GALNTL6: variants seen among roughly 807,000 people sequenced by gnomAD.
GALNTL6 encodes the protein polypeptide N-acetylgalactosaminyltransferase like 6.
A neutral mutation model predicts 73.7 loss-of-function variants in GALNTL6; 46 were observed. The ratio of observed to expected loss-of-function variants is 0.62; its 90% confidence interval spans 0.49 to 0.80. GALNTL6 has a LOEUF of 0.80. Among genes scored for constraint, GALNTL6 ranks in the 30% least tolerant of loss-of-function variants. The pLI, the probability that GALNTL6 is intolerant of heterozygous loss-of-function variation, is 0.00. For synonymous variants in GALNTL6, 259 were observed against 263.7 expected (o/e 0.98, Z 0.17); for missense variants, 604 against 755.0 (o/e 0.80, Z 2.34).
At chr4:172,846,703 A>G (rs1345522952) in intron 7 of GALNTL6, among the ~76,000 whole-genome samples, 1 of 152,200 alleles carries the variant, frequency 6.6e-6, no homozygotes, top group Admixed American at 6.5e-5. Flanking sequence ...AGTTAAAATC[A>G]TTCCTATTAT....
At chr4:173,026,176 G>A (rs1753223020) in intron 12 of GALNTL6, among the ~76,000 whole-genome samples, 6 of 152,088 alleles carry the variant, frequency 3.9e-5, no homozygotes, top group Non-Finnish European at 7.4e-5. Flanking sequence ...GTTTATTTGG[G>A]ATATAGCCCC....
intron 2 of GALNTL6, among the ~76,000 whole-genome samples, chr4:172,116,233 A>C (rs1732980841): frequency 6.6e-6 from 1 of 152,176 alleles, no homozygotes; most frequent in Non-Finnish European, 1.5e-5. Context: ...CTAATGTGTT[A>C]GAAATCTCAT....
intron 2 of GALNTL6, among the ~76,000 whole-genome samples, chr4:171,881,340 CTG>C (rs1332058905): frequency 6.6e-6 from 1 of 152,136 alleles, no homozygotes. Flanking sequence ...TGGTATGGCT[CTG>C]TGTCTCCACC....
At position 172,739,298 on chromosome 4, in the gene GALNTL6, T is replaced by C. The variant is rs77590509; in HGVS notation, c.554-70063T>C. ...ATTTTTATTTTGTGGAAAATTCTTA[T>C]GTAACTTTCTAAGGTATGTTAGAAC... On this transcript the variant is annotated intron_variant, in intron 5 of 12. Transcript: ENST00000506823. 1.2e-3 allele frequency among the ~76,000 whole-genome samples: 186 copies of C among 152,316 alleles called. 3 individuals are homozygous for C. The East Asian group carries it at 0.034, about 28-fold the overall frequency.
chr4:172,931,017 C>A (rs760232529), intron 8 of GALNTL6, 144 bp from the exon 9 acceptor site: 5 of 624,860 alleles, frequency 8.0e-6, no homozygotes, highest in Non-Finnish European at 1.4e-5. Context: ...AAGTGGTTTT[C>A]TTTTCTGGTT....
At chr4:172,105,635 G>T (rs1299815137) in intron 2 of GALNTL6, among the ~76,000 whole-genome samples, 1 of 151,924 alleles carries the variant, frequency 6.6e-6, no homozygotes, top group Non-Finnish European at 1.5e-5. Context: ...AAGTTATAAA[G>T]GGGCATCAAT....
chr4:172,075,257 AT>A (rs1294375105), intron 2 of GALNTL6, among the ~76,000 whole-genome samples: 2 of 151,836 alleles, frequency 1.3e-5, no homozygotes, highest in East Asian at 1.9e-4. Context: ...ATATTATAGG[AT>A]TTTTTTTCTG....
intron 12 of GALNTL6, among the ~76,000 whole-genome samples, chr4:173,032,765 G>A (rs560726726): frequency 6.6e-6 from 1 of 152,272 alleles, no homozygotes; most frequent in African/African-American, 2.4e-5. Context: ...TTAGCTAAGA[G>A]AGTGTGAAGT....
rs1561094414 is a variant in GALNTL6, at chr4:173,026,456, AAGTC to A, written c.1638+4832_1638+4835del. ...ACAGAACCATTCTTAAGGCCGGAGA[AAGTC>A]CTTAAGCAGAGAGATGCAGTGACAT... On this transcript the variant is annotated intron_variant, in intron 12 of 12. Transcript: ENST00000506823. Among the ~76,000 whole-genome samples, 4 of 152,208 alleles carry A rather than the reference AAGTC, an allele frequency of 2.6e-5. No homozygotes were observed. The East Asian group carries it at 5.8e-4, about 22-fold the overall frequency.
chr4:172,495,846 A>G (rs72995071), intron 5 of GALNTL6, among the ~76,000 whole-genome samples: 3,056 of 152,232 alleles, frequency 0.02, 100 homozygotes, highest in African/African-American at 0.066. Context: ...TTTCAAATCT[A>G]AGGGAAAAAA....
intron 5 of GALNTL6, among the ~76,000 whole-genome samples, chr4:172,494,017 A>G (rs1733981543): frequency 6.6e-6 from 1 of 152,090 alleles, no homozygotes; most frequent in Non-Finnish European, 1.5e-5. Flanking sequence ...TTTAACCTAT[A>G]TATTTTACCT....
chr4:172,191,519 C>T (rs533473239), intron 2 of GALNTL6, among the ~76,000 whole-genome samples: 1 of 152,248 alleles, frequency 6.6e-6, no homozygotes, highest in African/African-American at 2.4e-5. Flanking sequence ...TAAGGATCCT[C>T]ATGACCTCTT....
At chr4:172,786,555 G>C (rs1480247326) in intron 5 of GALNTL6, among the ~76,000 whole-genome samples, 1 of 152,078 alleles carries the variant, frequency 6.6e-6, no homozygotes, top group Non-Finnish European at 1.5e-5. Flanking sequence ...GGTCTACTCA[G>C]ACTAAACCAG....
intron 11 of GALNTL6, among the ~76,000 whole-genome samples, chr4:173,012,606 T>C (rs1254563047): frequency 1.3e-5 from 2 of 152,220 alleles, no homozygotes; most frequent in Admixed American, 6.5e-5. Flanking sequence ...TTCTAGGCCA[T>C]AGTTCTTCCA....
At chr4:172,183,127 T>A (rs1273181149) in intron 2 of GALNTL6, among the ~76,000 whole-genome samples, 1 of 152,186 alleles carries the variant, frequency 6.6e-6, no homozygotes, top group East Asian at 1.9e-4. Flanking sequence ...TATGTCTATA[T>A]AAGAATATTC....
intron 2 of GALNTL6, among the ~76,000 whole-genome samples, chr4:172,046,548 T>G (rs1456368911): frequency 6.6e-6 from 1 of 152,158 alleles, no homozygotes; most frequent in Non-Finnish European, 1.5e-5. Flanking sequence ...TTTTGTCTTT[T>G]TTATAAAACC....
At chr4:172,676,322 T>C (rs981810873) in intron 5 of GALNTL6, among the ~76,000 whole-genome samples, 4 of 152,224 alleles carry the variant, frequency 2.6e-5, no homozygotes, top group Non-Finnish European at 5.9e-5. Context: ...TCTTGTAAAT[T>C]ACATGCTTCT....
At chr4:172,587,012 A>G (rs891870495) in intron 5 of GALNTL6, among the ~76,000 whole-genome samples, 2 of 152,232 alleles carry the variant, frequency 1.3e-5, no homozygotes, top group South Asian at 2.1e-4. Flanking sequence ...GATACGCTAC[A>G]AGGTTATTGC....
At chr4:172,167,697 GC>G (rs1734671476) in intron 2 of GALNTL6, among the ~76,000 whole-genome samples, 1 of 151,972 alleles carries the variant, frequency 6.6e-6, no homozygotes, top group African/African-American at 2.4e-5. Flanking sequence ...GGTGGCTCAC[GC>G]CTGTAATCCC....
Sources: allele counts gnomAD v4.1 joint callset (sites outside exome capture counted in the v4.1 genomes callset), GRCh38; gene constraint gnomAD v4.1.1; transcripts MANE v1.5; gene names NCBI Gene and HGNC (gene_info 2026-07-23, HGNC 2026-07-21).